Variants in NCKAP1L observed in about 807,000 individuals in gnomAD.
NCKAP1L encodes nck-associated protein 1-like.
In NCKAP1L, 53 loss-of-function variants were observed where a neutral mutation model predicts 139.2. The ratio of observed to expected loss-of-function variants is 0.38; its 90% CI spans 0.31 to 0.48. The LOEUF is 0.48. Ranked by LOEUF, NCKAP1L falls within the 20% of genes least tolerant of loss-of-function variation. NCKAP1L has a pLI of 0.98. For synonymous variants in NCKAP1L, 468 were observed against 499.7 expected (o/e 0.94, Z 0.85); for missense variants, 1,151 against 1,381.9 (o/e 0.83, Z 2.65).
rs189425109 is a variant in NCKAP1L at position 54,525,111 on chromosome 12, C to G, written c.2156+1155C>G. 2.4e-3 allele frequency among the ~76,000 whole-genome samples: 364 copies of G among 152,170 alleles called. 1 individual carries two copies. The highest frequency in any genetic ancestry group is 3.8e-3 in the Non-Finnish European group (257 of 68,004). On this transcript the variant is annotated intron_variant, in intron 20 of 30. Coordinates refer to ENST00000293373, the MANE Select transcript of NCKAP1L (RefSeq NM_005337.5). Reference sequence around the variant, plus strand: ...TGGTAGGATGTAAGGTGAGGGAGGTCAGAAAAGTGGCAGATTGTGTATGCG... The same window carrying G: ...TGGTAGGATGTAAGGTGAGGGAGGTGAGAAAAGTGGCAGATTGTGTATGCG...
intron 3 of NCKAP1L, among the ~76,000 whole-genome samples, chr12:54,502,598 G>T (rs965509933): frequency 2.0e-5 from 3 of 151,836 alleles, no homozygotes; most frequent in Non-Finnish European, 4.4e-5. Context: ...CTAAGAGCAA[G>T]AATATTTTCT....
chr12:54,525,357 G>A (rs148268754), intron 20 of NCKAP1L, among the ~76,000 whole-genome samples: 179 of 152,308 alleles, frequency 1.2e-3, no homozygotes, highest in African/African-American at 3.8e-3. Flanking sequence ...TTTTGCTTGG[G>A]TGAAGTTAAA....
rs144689871 is a variant in NCKAP1L, at chr12:54,531,352, C to G, written c.2599C>G (p.Leu867Val). Residue 867 changes from leucine to valine, a missense_variant, in exon 23 of 31, where the codon CTG becomes GTG. Leu to Val is a conservative substitution (Grantham distance 32). Coordinates refer to ENST00000293373, the MANE Select transcript of NCKAP1L (RefSeq NM_005337.5). Reference sequence around the variant, plus strand: ...GCATGTGACCTCTCAGATTGTGGAGCTGAAGGTACTATGGAAACAATCCCT... The same window carrying G: ...GCATGTGACCTCTCAGATTGTGGAGGTGAAGGTACTATGGAAACAATCCCT... ...MWHVTSQIVELKKLVVENMDI... is the reference protein window; with the variant it reads ...MWHVTSQIVEVKKLVVENMDI... 9.8e-5 allele frequency: 158 copies of G among 1,613,762 alleles called. No individual in the cohort carries two copies. Among genetic ancestry groups the G allele is most frequent in the Non-Finnish European group, 1.3e-4 (152 of 1,179,878 alleles).
intron 26 of NCKAP1L, 99 bp downstream of exon 26, chr12:54,532,349 C>G (rs768651390): frequency 1.9e-5 from 17 of 881,696 alleles, no homozygotes; most frequent in Non-Finnish European, 3.0e-5. Context: ...TGAAGAACAC[C>G]ATAGGGATAA....
At chr12:54,520,583 G>A (rs923454935) in intron 16 of NCKAP1L, 111 bp from the exon 17 acceptor site, 39 of 1,056,072 alleles carry the variant, frequency 3.7e-5, no homozygotes, top group African/African-American at 1.6e-4. Flanking sequence ...TATCCTCTCC[G>A]CCTCAAAGGG....
chr12:54,528,500 G>A (rs1957043571), intron 22 of NCKAP1L, 123 bp downstream of exon 22: 2 of 1,197,208 alleles, frequency 1.7e-6, no homozygotes, highest in East Asian at 2.5e-5. Context: ...ACTTTTCATT[G>A]CAAAAACCAC....
chr12:54,523,954 C>T lies in NCKAP1L; in HGVS notation c.2154C>T (p.Asn718=). 1 of 1,613,426 alleles carries T rather than the reference C, an allele frequency of 6.2e-7. No homozygotes were observed. Among genetic ancestry groups the T allele is most frequent in the Non-Finnish European group, 8.5e-7 (1 of 1,179,634 alleles). Residue 718 remains asparagine (N), a splice_region_variant and synonymous_variant, in exon 20 of 31, where the codon AAC becomes AAT. Transcript: ENST00000293373. The stretch of plus-strand genomic sequence containing the variant: ...GCAGCCACCTGGAGGCCAGACTCAA[C>T]AGGTATCACTCTTTCCTTGTCCTCT... The part of the protein sequence containing the change: ...YLSSHLEARL[N]RAIVWLAGYN...
intron 7 of NCKAP1L, 66 bp from the exon 8 acceptor site, chr12:54,511,737 T>C (rs1276508332): frequency 4.8e-5 from 75 of 1,561,848 alleles, no homozygotes; most frequent in African/African-American, 1.4e-5. Flanking sequence ...AGATCCTAGT[T>C]TGTCCTTTCT....
In NCKAP1L at chr12:54,516,923, A is replaced by G. The variant is rs563040420; in HGVS notation, c.1026A>G (p.Gln342=). The stretch of plus-strand genomic sequence containing the variant: ...GCCAGTTTCATTGTCAACGGCGGCA[A>G]TTTCTGCGGATGGCAGTGAAGGAGC... The part of the protein sequence containing the change: ...NSGQFHCQRR[Q]FLRMAVKELE... The change falls in exon 11 of 31, where the codon CAA becomes CAG. Residue 342 remains glutamine (Q), a synonymous_variant. Coordinates refer to ENST00000293373, the MANE Select transcript of NCKAP1L (RefSeq NM_005337.5). 6 of 1,612,688 alleles carry G rather than the reference A, an allele frequency of 3.7e-6. No individual in the cohort carries two copies. In the South Asian group the frequency reaches 4.4e-5, roughly 12 times the overall value.
intron 22 of NCKAP1L, 112 bp from the exon 23 acceptor site, chr12:54,531,148 T>C: frequency 1.1e-6 from 1 of 916,860 alleles, no homozygotes; most frequent in Non-Finnish European, 1.7e-6. Context: ...TGACTTCTCA[T>C]TTTCTTTTCT....
chr12:54,510,593 C>T (rs983070406), intron 7 of NCKAP1L: 2 of 155,546 alleles, frequency 1.3e-5, no homozygotes, highest in Non-Finnish European at 2.9e-5. Flanking sequence ...TCACTGCAAC[C>T]TCCCCATCTT....
intron 10 of NCKAP1L, 112 bp downstream of exon 10, chr12:54,516,407 A>T: frequency 1.0e-6 from 1 of 955,804 alleles, no homozygotes. Context: ...GCCTCAACCC[A>T]AGAACTTGCT....
chr12:54,504,925 T>C (rs1956828263), intron 3 of NCKAP1L, among the ~76,000 whole-genome samples: 1 of 152,196 alleles, frequency 6.6e-6, no homozygotes, highest in South Asian at 2.1e-4. Context: ...ACATTGGTTG[T>C]GTGAGTGGCT....
In NCKAP1L at chr12:54,526,519, A is replaced by T. The variant is rs1555172035; in HGVS notation, c.2157-9A>T. ...TGTAATTCTAATTTTTTTTTTTTAA[A>T]TCACCTAGAGCCATTGTGTGGCTGG... On this transcript the variant is annotated splice_polypyrimidine_tract_variant and intron_variant, in intron 20 of 30. Coordinates refer to ENST00000293373, the MANE Select transcript of NCKAP1L (RefSeq NM_005337.5). The T allele has an allele frequency of 8.1e-6, 13 of 1,606,968 alleles. No individual in the cohort carries two copies. The Admixed American group carries it at 2.0e-4, about 25-fold the overall frequency.
At chr12:54,534,298 T>C (rs925557220) in intron 26 of NCKAP1L, among the ~76,000 whole-genome samples, 2 of 152,244 alleles carry the variant, frequency 1.3e-5, no homozygotes, top group Non-Finnish European at 2.9e-5. Context: ...TAAGTAACTT[T>C]TAGTCAAGGT....
chr12:54,514,871 T>C (rs1042864030), intron 9 of NCKAP1L, among the ~76,000 whole-genome samples: 1 of 152,160 alleles, frequency 6.6e-6, no homozygotes, highest in African/African-American at 2.4e-5. Flanking sequence ...GATTTGGGCA[T>C]ATGCATGAAA....
In NCKAP1L at chr12:54,538,973, G is replaced by T. The variant is rs182948480; in HGVS notation, c.3273G>T (p.Leu1091Phe). The T allele has an allele frequency of 6.2e-7, 1 of 1,613,260 alleles. No homozygotes were observed. The highest frequency in any genetic ancestry group is 1.7e-5 in the Admixed American group (1 of 59,986). ...AATCCATTTCTCTGCTCATGCGCTT[G>T]GTAAGTACCTTATTTAAATTGGTGT... ...NRESISLLMR[L>F]VVEESSFLTL... The change falls in exon 30 of 31, where the codon TTG becomes TTT. Residue 1091 changes from leucine (L) to phenylalanine (F), a missense_variant and splice_region_variant. Transcript: ENST00000293373.
chr12:54,505,323 T>G lies in NCKAP1L; in HGVS notation c.307-2530T>G, dbSNP rs1055637070. The stretch of plus-strand genomic sequence containing the variant: ...TGTTAATTTAGACACAGCCTTTTTT[T>G]GGAAGATAAGTAAGAAGCACTTTTC... On this transcript the variant is annotated intron_variant, in intron 3 of 30. Transcript: ENST00000293373. Among the ~76,000 whole-genome samples, 3 of 152,218 alleles carry G rather than the reference T, an allele frequency of 2.0e-5. No homozygotes were observed. In the South Asian group the frequency reaches 6.2e-4, roughly 31 times the overall value.
chr12:54,513,396 TG>T (rs988035895), intron 9 of NCKAP1L, among the ~76,000 whole-genome samples: 2 of 152,188 alleles, frequency 1.3e-5, no homozygotes, highest in Non-Finnish European at 2.9e-5. Context: ...GAGTGAGGTC[TG>T]GATTCAGATA....
Sources: gnomAD v4.1 joint callset for allele counts (sites outside exome capture counted in the v4.1 genomes callset) on GRCh38, gnomAD v4.1.1 for gene constraint, MANE v1.5 for transcripts, NCBI Gene and HGNC (gene_info 2026-07-23, HGNC 2026-07-21) for gene names.